NBAS: variants seen among roughly 807,000 people sequenced by gnomAD.
NBAS encodes the protein NAG/BC035112 fusion.
NBAS carries 219 observed loss-of-function variants against 302.5 expected under a neutral mutation model. That is an observed-to-expected ratio of 0.72 (90% CI 0.65 to 0.81). The LOEUF (loss-of-function observed/expected upper bound fraction) is 0.81. NBAS is among the 30% of genes least tolerant of loss of function. NBAS has a pLI of 0.00. For missense variants in NBAS, 2,932 were observed against 2,841.6 expected (o/e 1.03, Z -0.72); for synonymous variants, 1,118 against 1,021.6 (o/e 1.09, Z -1.80).
At chr2:15,006,792 G>A in the NBAS span, among the ~76,000 whole-genome samples, 1 of 152,204 alleles carries the variant, frequency 6.6e-6, no homozygotes, top group South Asian at 2.1e-4. Flanking sequence ...CCAGCCATCA[G>A]CAGTACTTGG....
In NBAS at chr2:15,417,677, C is replaced by A. The variant is rs1232767462; in HGVS notation, c.2613G>T (p.Met871Ile). ...CCAGCAAACCAGGAATATTCCGCTC[C>A]ATCCCAAGTCGAATAAGTGACAATG... is the stretch of plus-strand genomic sequence containing the variant. ...DCALSLIRLG[M>I]ERNIPGLLVL... Residue 871 changes from methionine to isoleucine, a missense_variant, in exon 24 of 52, where the codon ATG becomes ATT. Physicochemically the swap from Met to Ile is conservative, Grantham distance 10. Transcript: ENST00000281513. 1 of 1,613,948 alleles carries A rather than the reference C, an allele frequency of 6.2e-7. No homozygotes were observed. The highest frequency in any genetic ancestry group is 8.5e-7 in the Non-Finnish European group (1 of 1,179,960).
intron 47 of NBAS, among the ~76,000 whole-genome samples, chr2:15,229,695 T>C (rs1667299345): frequency 6.6e-6 from 1 of 151,574 alleles, no homozygotes; most frequent in East Asian, 2.0e-4. Flanking sequence ...GGCAGGAGAA[T>C]TGTTTGAACC....
chr2:14,791,803 C>CATAAATAAATAA, the NBAS span, among the ~76,000 whole-genome samples: 2,815 of 139,198 alleles, frequency 0.02, 56 homozygotes, highest in African/African-American at 0.042. Flanking sequence ...GACTCCATCT[C>CATAAATAAATAA]ATAAATAAAT....
chr2:14,993,032 G>A, the NBAS span, among the ~76,000 whole-genome samples: 6 of 152,202 alleles, frequency 3.9e-5, no homozygotes, highest in Non-Finnish European at 8.8e-5. Flanking sequence ...AACTGTTCCT[G>A]ATTTCTGAGC....
intron 44 of NBAS, among the ~76,000 whole-genome samples, chr2:15,251,431 G>C (rs1335031623): frequency 6.6e-6 from 1 of 152,098 alleles, no homozygotes; most frequent in African/African-American, 2.4e-5. Flanking sequence ...CGTTCTGCAC[G>C]TATATCCTAG....
intron 12 of NBAS, among the ~76,000 whole-genome samples, chr2:15,483,021 T>C (rs7591190): frequency 0.011 from 1,622 of 152,300 alleles, 27 homozygotes; most frequent in African/African-American, 0.037. Context: ...AGAATAGTTA[T>C]AGGTTTTGTA....
chr2:15,296,286 C>G (rs897648190), intron 40 of NBAS, among the ~76,000 whole-genome samples: 4 of 152,060 alleles, frequency 2.6e-5, no homozygotes, highest in African/African-American at 9.7e-5. Flanking sequence ...CACCTGTAAA[C>G]CCAACACTTT....
At chr2:15,279,590 T>C (rs1669736613) in intron 42 of NBAS, among the ~76,000 whole-genome samples, 1 of 152,202 alleles carries the variant, frequency 6.6e-6, no homozygotes, top group African/African-American at 2.4e-5. Context: ...TTTGACTTGA[T>C]TATGAATATA....
chr2:14,981,893 G>T, the NBAS span, among the ~76,000 whole-genome samples: 3 of 152,140 alleles, frequency 2.0e-5, no homozygotes, highest in Non-Finnish European at 4.4e-5. Context: ...TCTCAAAGGT[G>T]GCTGCCAACT....
At chr2:14,840,567 A>G in the NBAS span, among the ~76,000 whole-genome samples, 1,003 of 152,148 alleles carry the variant, frequency 6.6e-3, 6 homozygotes, top group Non-Finnish European at 9.7e-3. Context: ...AGCTCCAATT[A>G]ATCTGGCAAC....
rs1269230868 is a variant in NBAS, at chr2:15,244,608, C to T, written c.5725-5922G>A. 4.6e-5 allele frequency among the ~76,000 whole-genome samples: 7 copies of T among 151,728 alleles called. No individual in the cohort carries two copies. In the South Asian group the frequency reaches 8.4e-4, roughly 18 times the overall value. On this transcript the variant is annotated intron_variant, in intron 44 of 51. Coordinates refer to ENST00000281513, the MANE Select transcript of NBAS (RefSeq NM_015909.4). Reference sequence around the variant, plus strand: ...CTGTTTCACCATGTAAGTTGGGTGTCGGGGTGGGTGTGGGGGAAACAGGGC... The same window carrying T: ...CTGTTTCACCATGTAAGTTGGGTGTTGGGGTGGGTGTGGGGGAAACAGGGC...
chr2:15,096,249 C>T, the NBAS span, among the ~76,000 whole-genome samples: 1 of 152,150 alleles, frequency 6.6e-6, no homozygotes, highest in Non-Finnish European at 1.5e-5. Context: ...AGCTGGCTGG[C>T]CCTTTAAAAC....
intron 35 of NBAS, among the ~76,000 whole-genome samples, chr2:15,342,975 A>G (rs1272192072): frequency 6.6e-6 from 1 of 151,972 alleles, no homozygotes; most frequent in Non-Finnish European, 1.5e-5. Flanking sequence ...GAGCACAGAA[A>G]AAAAAAAAAT....
In NBAS at chr2:15,418,362, G is replaced by A. The variant is rs549500337; in HGVS notation, c.2578-650C>T. 5.3e-5 allele frequency among the ~76,000 whole-genome samples: 8 copies of A among 152,180 alleles called. No individual in the cohort carries two copies. In the East Asian group the frequency reaches 1.5e-3, roughly 29 times the overall value. ...AAGTTTATGAACTGATACATTCTCC[G>A]AGTGATAGAGAAATGATCTAGTGTA... is the stretch of plus-strand genomic sequence containing the variant. On this transcript the variant is annotated intron_variant, in intron 23 of 51. Coordinates refer to ENST00000281513, the MANE Select transcript of NBAS (RefSeq NM_015909.4).
the NBAS span, among the ~76,000 whole-genome samples, chr2:15,062,652 CT>C: frequency 2.0e-3 from 304 of 152,226 alleles, no homozygotes; most frequent in African/African-American, 5.3e-3. Context: ...TGGTTTCAAA[CT>C]TTTTTAGGAT....
intron 40 of NBAS, among the ~76,000 whole-genome samples, chr2:15,301,546 A>G (rs1043761875): frequency 8.5e-5 from 13 of 152,310 alleles, no homozygotes; most frequent in African/African-American, 3.1e-4. Flanking sequence ...CTCCAATTCA[A>G]TTCCTGGAGA....
At chr2:15,538,362 C>T in intron 7 of NBAS, 1 of 450,200 alleles carries the variant, frequency 2.2e-6, no homozygotes, top group South Asian at 1.6e-5. Context: ...TTTAGTTTCT[C>T]CACTCATTAT....
At chr2:15,120,611 C>A in the NBAS span, among the ~76,000 whole-genome samples, 1 of 152,192 alleles carries the variant, frequency 6.6e-6, no homozygotes, top group Non-Finnish European at 1.5e-5. Flanking sequence ...CCAGTCATTT[C>A]CTTTCCATTA....
At chr2:15,186,963 G>C in intron 49 of NBAS, 83 bp from the exon 50 acceptor site, 1 of 1,564,400 alleles carries the variant, frequency 6.4e-7, no homozygotes, top group Admixed American at 1.7e-5. Context: ...CAAGTGAAAT[G>C]CTTACGGTAA....
Sources: allele counts gnomAD v4.1 joint callset (sites outside exome capture counted in the v4.1 genomes callset), GRCh38; gene constraint gnomAD v4.1.1; transcripts MANE v1.5; gene names NCBI Gene and HGNC (gene_info 2026-07-23, HGNC 2026-07-21).